FRY: variants seen among roughly 807,000 people sequenced by gnomAD.
FRY encodes protein furry homolog.
Under a neutral mutation model 348.4 loss-of-function variants are expected in FRY, and 128 were observed. That is an observed-to-expected ratio of 0.37 (90% CI 0.32 to 0.43). The LOEUF is 0.43. Among genes scored for constraint, FRY ranks in the 20% least tolerant of loss-of-function variants. The pLI is 1.00. For missense variants in FRY, 2,736 were observed against 3,695.2 expected (o/e 0.74, Z 6.73); for synonymous variants, 1,370 against 1,374.7 (o/e 1.00, Z 0.08).
chr13:32,277,383 G>A (rs997754611), intron 57 of FRY, among the ~76,000 whole-genome samples: 19 of 152,134 alleles, frequency 1.2e-4, no homozygotes, highest in African/African-American at 4.6e-4. Context: ...AATAGTCATG[G>A]CAGCTATCAT....
chr13:32,285,484 G>T (rs1566195646), intron 58 of FRY, among the ~76,000 whole-genome samples: 1 of 152,172 alleles, frequency 6.6e-6, no homozygotes, highest in Non-Finnish European at 1.5e-5. Flanking sequence ...ACTGTTTTGT[G>T]CCCTGAGAGC....
At chr13:32,243,388 G>A (rs2806623) in intron 46 of FRY, among the ~76,000 whole-genome samples, 77,217 of 152,046 alleles carry the variant, frequency 0.51, 21,356 homozygotes, top group African/African-American at 0.74. Context: ...ATGCTATGGT[G>A]AAATCTTATA....
chr13:32,124,166 T>C, intron 4 of FRY, 120 bp from the exon 5 acceptor site: 2 of 700,112 alleles, frequency 2.9e-6, no homozygotes, highest in Non-Finnish European at 5.1e-6. Context: ...CCAGTGCAAT[T>C]ATATAATTTT....
intron 59 of FRY, among the ~76,000 whole-genome samples, chr13:32,291,445 G>A (rs534805742): frequency 3.4e-4 from 45 of 131,078 alleles, no homozygotes; most frequent in African/African-American, 1.3e-3. Context: ...TGCTCTTGTT[G>A]CCCAGGCTGG....
chr13:32,252,469 G>A (rs1010552207), intron 50 of FRY, among the ~76,000 whole-genome samples: 1 of 152,174 alleles, frequency 6.6e-6, no homozygotes, highest in Non-Finnish European at 1.5e-5. Flanking sequence ...GCTTTTGAAT[G>A]AATGGACGAT....
chr13:32,244,214 A>G (rs768927937), intron 47 of FRY, 32 bp downstream of exon 47: 5 of 1,602,754 alleles, frequency 3.1e-6, no homozygotes, highest in Non-Finnish European at 4.3e-6. Flanking sequence ...CTAAGCAACC[A>G]GTCGTTCTAA....
chr13:32,236,921 A>T (rs1356517157), intron 43 of FRY, among the ~76,000 whole-genome samples: 2 of 152,182 alleles, frequency 1.3e-5, no homozygotes, highest in Non-Finnish European at 2.9e-5. Context: ...ATAGACTTAG[A>T]AATAATTTTT....
chr13:32,210,946 A>G lies in FRY; in HGVS notation c.4503A>G (p.Thr1501=). 1 of 1,613,996 alleles carries G rather than the reference A, an allele frequency of 6.2e-7. No homozygotes were observed. Among genetic ancestry groups the G allele is most frequent in the East Asian group, 2.2e-5 (1 of 44,890 alleles). The change falls in exon 34 of 61, where the codon ACA becomes ACG. Residue 1501 remains threonine, a synonymous_variant. Transcript: ENST00000542859. ...MEELLFELQQ[T]EPVNPIVQHC... ...AGCTTCTCTTTGAGCTGCAGCAGAC[A>G]GAGCCCGTGAACCCCATCGTCCAGC...
intron 19 of FRY, among the ~76,000 whole-genome samples, chr13:32,175,218 G>T (rs1033225708): frequency 6.6e-6 from 1 of 152,092 alleles, no homozygotes; most frequent in African/African-American, 2.4e-5. Context: ...TCTACTCCTC[G>T]AAATTAATAA....
At chr13:32,248,412 T>C (rs1443937805) in intron 48 of FRY, among the ~76,000 whole-genome samples, 1 of 152,002 alleles carries the variant, frequency 6.6e-6, no homozygotes, top group Non-Finnish European at 1.5e-5. Flanking sequence ...GGGATAGCAT[T>C]AGGAGAAATA....
chr13:32,245,191 A>G (rs1593794220), intron 47 of FRY, among the ~76,000 whole-genome samples: 1 of 151,616 alleles, frequency 6.6e-6, no homozygotes, highest in African/African-American at 2.4e-5. Flanking sequence ...CTCGTGATCC[A>G]CCGCCTCGGC....
chr13:32,222,501 C>T (rs1021890945), intron 36 of FRY, among the ~76,000 whole-genome samples: 27 of 152,114 alleles, frequency 1.8e-4, no homozygotes, highest in African/African-American at 5.8e-4. Flanking sequence ...GGTGAGCTAC[C>T]GCGACCAGCC....
Position 32,212,279 on chromosome 13 carries a change from T to A in FRY, c.4592-13T>A, listed in dbSNP as rs798983. ...TCTTTTTATAAGTGTTTTTCTTCCATTCCCATCTACAGGAACCACCTCTAG... is the reference window on the plus strand; with the variant it reads ...TCTTTTTATAAGTGTTTTTCTTCCAATCCCATCTACAGGAACCACCTCTAG... On this transcript the variant is annotated splice_polypyrimidine_tract_variant and intron_variant, in intron 34 of 60. Coordinates refer to ENST00000542859, the MANE Select transcript of FRY (RefSeq NM_023037.3). The A allele has an allele frequency of 0.44, 678,152 of 1,537,338 alleles. 153,770 individuals carry two copies. Among genetic ancestry groups the A allele is most frequent in the African/African-American group, 0.53 (38,544 of 73,222 alleles).
chr13:32,263,528 G>GA (rs1475241720), intron 53 of FRY, among the ~76,000 whole-genome samples: 3 of 150,724 alleles, frequency 2.0e-5, no homozygotes, highest in Non-Finnish European at 1.5e-5. Context: ...TTAGCCAAAA[G>GA]AAAAAAACAA....
At chr13:32,278,027 C>T (rs947131726) in intron 57 of FRY, among the ~76,000 whole-genome samples, 5 of 152,092 alleles carry the variant, frequency 3.3e-5, no homozygotes, top group African/African-American at 1.2e-4. Context: ...GGAGATCTGC[C>T]CCATAGCAGA....
chr13:32,187,441 C>A lies in FRY; in HGVS notation c.3481-105C>A, dbSNP rs1883086935. The A allele has an allele frequency of 4.1e-6, 3 of 737,144 alleles. No homozygotes were observed. The Admixed American group carries it at 5.8e-5, about 14-fold the overall frequency. 45.7% of individuals were successfully genotyped at this position (737,144 alleles called of 1,614,324 possible). ...TGGGGAAATAAGTGTCTTTAGAGGG[C>A]CCTTATCATTTATAATTCTGACAAT... On this transcript the variant is annotated intron_variant, in intron 27 of 60. Coordinates refer to ENST00000542859, the MANE Select transcript of FRY (RefSeq NM_023037.3).
chr13:32,122,195 G>A (rs1470644344), intron 4 of FRY, among the ~76,000 whole-genome samples: 1 of 152,150 alleles, frequency 6.6e-6, no homozygotes. Flanking sequence ...TGTAATCCCA[G>A]CACTTTGGGA....
At chr13:32,225,282 T>C (rs1159156334) in intron 38 of FRY, among the ~76,000 whole-genome samples, 1 of 152,188 alleles carries the variant, frequency 6.6e-6, no homozygotes, top group Non-Finnish European at 1.5e-5. Context: ...TCTACAAATA[T>C]ATCCAAAATA....
intron 38 of FRY, 93 bp from the exon 39 acceptor site, chr13:32,225,696 T>C (rs1250197179): frequency 1.0e-6 from 1 of 983,164 alleles, no homozygotes; most frequent in Non-Finnish European, 1.7e-6. Context: ...TCTTTTAACA[T>C]GTTCCTCCTG....
Sources: allele counts gnomAD v4.1 joint callset (sites outside exome capture counted in the v4.1 genomes callset), GRCh38; gene constraint gnomAD v4.1.1; transcripts MANE v1.5; gene names NCBI Gene and HGNC (gene_info 2026-07-23, HGNC 2026-07-21).